PHRF1: variants seen among roughly 807,000 people sequenced by gnomAD.
PHRF1 encodes PHD and RING finger domain-containing protein 1.
Under a neutral mutation model 128.9 loss-of-function variants are expected in PHRF1, and 53 were observed. That is an observed-to-expected ratio of 0.41 (90% confidence interval 0.33 to 0.52). The LOEUF is 0.52. Among genes scored for constraint, PHRF1 ranks in the 20% least tolerant of loss-of-function variants. The probability of loss-of-function intolerance (pLI) is 0.21; values close to 1 mark genes in which losing one functional copy is unlikely to be tolerated. For synonymous variants in PHRF1, 1,178 were observed against 980.6 expected, an observed-to-expected ratio of 1.20 and a Z score of -3.76; for missense variants, 2,503 against 2,284.5, an observed-to-expected ratio of 1.10 and a Z score of -1.95.
chr11:606,675 C>T (rs143602567), intron 13 of PHRF1, 79 bp downstream of exon 13: 2 of 1,488,584 alleles, frequency 1.3e-6, no homozygotes, highest in East Asian at 4.7e-5. Flanking sequence ...CAGCCCATGT[C>T]TCAGTCACGG....
rs563570199 is a variant in PHRF1, at chr11:576,500, G to C, written c.-114G>C. 1 of 153,298 alleles carries C rather than the reference G, an allele frequency of 6.5e-6. No individual in the cohort carries two copies. The highest frequency in any genetic ancestry group is 1.5e-5 in the Non-Finnish European group (1 of 68,622). 9.5% of individuals were successfully genotyped at this position (153,298 alleles called of 1,614,324 possible). On this transcript the variant is annotated 5_prime_UTR_variant, in exon 1 of 18. Coordinates refer to ENST00000264555, the MANE Select transcript of PHRF1 (RefSeq NM_001286581.2). ...TCCGGGTCGAAGAGCGCACGGCGGC[G>C]GCAGAGGCGGCGGCGGCCGGGCCTA... is the stretch of plus-strand genomic sequence containing the variant.
At chr11:602,102 G>A (rs906730790) in intron 10 of PHRF1, among the ~76,000 whole-genome samples, 1 of 152,080 alleles carries the variant, frequency 6.6e-6, no homozygotes, top group African/African-American at 2.4e-5. Flanking sequence ...AGTGACACAA[G>A]CCGTGTCTGA....
At chr11:583,586 A>G (rs1467819289) in intron 3 of PHRF1, among the ~76,000 whole-genome samples, 2 of 152,166 alleles carry the variant, frequency 1.3e-5, no homozygotes, top group African/African-American at 4.8e-5. Flanking sequence ...CTTTTGAGAG[A>G]ACAATGTTCC....
chr11:592,954 C>T (rs1415096084), intron 6 of PHRF1, among the ~76,000 whole-genome samples: 1 of 152,244 alleles, frequency 6.6e-6, no homozygotes, highest in Non-Finnish European at 1.5e-5. Flanking sequence ...TGGGGCTGGT[C>T]AGCCAGAGGG....
intron 10 of PHRF1, among the ~76,000 whole-genome samples, chr11:603,800 T>G (rs532980606): frequency 7.0e-6 from 1 of 143,578 alleles, no homozygotes; most frequent in East Asian, 2.1e-4. Flanking sequence ...AGTAGTATGA[T>G]CTCAGCTCAC....
chr11:578,335 C>T (rs1854005445), intron 1 of PHRF1, among the ~76,000 whole-genome samples: 3 of 152,214 alleles, frequency 2.0e-5, no homozygotes, highest in African/African-American at 7.2e-5. Flanking sequence ...CTGAACGTTC[C>T]TGCTGCTGTG....
intron 5 of PHRF1, 70 bp from the exon 6 acceptor site, chr11:592,489 C>T (rs368606522): frequency 5.5e-6 from 8 of 1,457,826 alleles, no homozygotes; most frequent in African/African-American, 4.2e-5. Context: ...GGATTAACTG[C>T]GTTTCACGCT....
At chr11:581,174 A>G (rs1273914158) in intron 1 of PHRF1, among the ~76,000 whole-genome samples, 6 of 151,542 alleles carry the variant, frequency 4.0e-5, no homozygotes, top group Non-Finnish European at 5.9e-5. Flanking sequence ...GTGGCCAGCT[A>G]GGATCTGGCT....
intron 9 of PHRF1, among the ~76,000 whole-genome samples, chr11:601,105 C>G (rs1421291621): frequency 6.6e-6 from 1 of 151,438 alleles, no homozygotes; most frequent in Non-Finnish European, 1.5e-5. Context: ...GAGGTAAGAT[C>G]GCACCAGTGC....
chr11:580,969 G>A (rs60134547), intron 1 of PHRF1, among the ~76,000 whole-genome samples: 5,930 of 152,136 alleles, frequency 0.039, 391 homozygotes, highest in African/African-American at 0.13. Flanking sequence ...GGTTACAGGC[G>A]TGAGCAGCTA....
intron 17 of PHRF1, 81 bp downstream of exon 17, chr11:611,163 G>A: frequency 1.3e-6 from 2 of 1,581,070 alleles, no homozygotes; most frequent in Non-Finnish European, 1.7e-6. Flanking sequence ...TGGACTTTGG[G>A]GTGGCCATGA....
chr11:603,388 A>G (rs1287936212), intron 10 of PHRF1, among the ~76,000 whole-genome samples: 1 of 151,946 alleles, frequency 6.6e-6, no homozygotes, highest in East Asian at 1.9e-4. Flanking sequence ...GCTGGAGTGC[A>G]GTGACATGAT....
chr11:605,520 ATCC>A (rs1315533650), intron 11 of PHRF1, 82 bp from the exon 12 acceptor site: 9 of 1,563,916 alleles, frequency 5.8e-6, no homozygotes, highest in Non-Finnish European at 7.8e-6. Flanking sequence ...GTGCTCGGCC[ATCC>A]TCCTCCGTGC....
chr11:611,959 T>C lies in PHRF1; in HGVS notation c.*182T>C. On this transcript the variant is annotated 3_prime_UTR_variant, in exon 18 of 18. Transcript: ENST00000264555. Reference sequence around the variant, plus strand: ...GGTTCCTGCGCTGACACCTGGTCTGTGCACCTGTGTTGCTCACAGTTGAAA... The same window carrying C: ...GGTTCCTGCGCTGACACCTGGTCTGCGCACCTGTGTTGCTCACAGTTGAAA... 1.1e-6 allele frequency: 1 copy of C among 906,704 alleles called. No homozygotes were observed. Among genetic ancestry groups the C allele is most frequent in the Non-Finnish European group, 1.6e-6 (1 of 616,554 alleles). 56.2% of individuals were successfully genotyped at this position (906,704 alleles called of 1,614,324 possible).
At chr11:610,900 C>T in intron 16 of PHRF1, 54 bp from the exon 17 acceptor site, 1 of 1,601,758 alleles carries the variant, frequency 6.2e-7, no homozygotes. Context: ...GTGCCTCTGG[C>T]CAGAGGGACT....
chr11:598,292 T>TGTTC, intron 8 of PHRF1, 81 bp from the exon 9 acceptor site: 2 of 1,497,718 alleles, frequency 1.3e-6, no homozygotes, highest in East Asian at 2.4e-5. Flanking sequence ...TTGTGGGCTG[T>TGTTC]GTTCTGGGCT....
Position 597,456 on chromosome 11 carries a change from C to A in PHRF1, c.780C>A (p.Thr260=). 6.2e-7 allele frequency: 1 copy of A among 1,612,850 alleles called. No homozygotes were observed. The change falls in exon 8 of 18, where the codon ACC becomes ACA. Residue 260 remains threonine, a synonymous_variant. Coordinates refer to ENST00000264555, the MANE Select transcript of PHRF1 (RefSeq NM_001286581.2). The surrounding 1 kb of genome is among the most constrained non-coding windows in gnomAD (Gnocchi z 6.5). ...SLLLADVVPT[T]SRLRPRAGRT... ...TCTTGGCTGATGTGGTGCCCACCAC[C>A]AGCAGGCTTCGGCCTCGAGCAGGTA...
chr11:591,401 A>G lies in PHRF1; in HGVS notation c.438A>G (p.Pro146=), dbSNP rs1357967502. 3 of 1,608,978 alleles carry G rather than the reference A, an allele frequency of 1.9e-6. No individual in the cohort carries two copies. The highest frequency in any genetic ancestry group is 2.5e-6 in the Non-Finnish European group (3 of 1,177,942). The change falls in exon 5 of 18, where the codon CCA becomes CCG. Residue 146 remains proline (P), a synonymous_variant. Coordinates refer to ENST00000264555, the MANE Select transcript of PHRF1 (RefSeq NM_001286581.2). ...VEWSKNANSC[P]VDRTLFKCIC... ...TCTCACAGAATGCCAATTCCTGTCC[A>G]GTTGATCGAACTCTATTTAAGTGCA... is the stretch of plus-strand genomic sequence containing the variant.
intron 3 of PHRF1, among the ~76,000 whole-genome samples, chr11:585,095 T>C (rs183470068): frequency 6.6e-4 from 100 of 152,230 alleles, no homozygotes; most frequent in Non-Finnish European, 1.1e-3. Flanking sequence ...GTGGGAAACA[T>C]GTTGAGGAGG....
Sources: allele counts gnomAD v4.1 joint callset (sites outside exome capture counted in the v4.1 genomes callset), GRCh38; gene constraint gnomAD v4.1.1; non-coding constraint Gnocchi (gnomAD v3.1); transcripts MANE v1.5; gene names NCBI Gene and HGNC (gene_info 2026-07-23, HGNC 2026-07-21).